GUCA1B: variants seen among roughly 807,000 people sequenced by gnomAD.
GUCA1B encodes the protein guanylyl cyclase-activating protein 2.
In GUCA1B, 22 loss-of-function variants were observed where a neutral mutation model predicts 24.2. That is an observed-to-expected ratio of 0.91 (90% confidence interval 0.65 to 1.30). The LOEUF is 1.30. Among genes scored for constraint, GUCA1B ranks in the 50% most tolerant of loss-of-function variants. The probability of loss-of-function intolerance (pLI) is 0.00; values close to 1 mark genes in which losing one functional copy is unlikely to be tolerated. For missense variants in GUCA1B, 221 were observed against 258.8 expected (o/e 0.85, Z 1.00); for synonymous variants, 100 against 97.9 (o/e 1.02, Z -0.13).
At chr6:42,191,457 A>C (rs75883079) in intron 1 of GUCA1B, among the ~76,000 whole-genome samples, 2 of 152,158 alleles carry the variant, frequency 1.3e-5, no homozygotes, top group East Asian at 3.9e-4. Context: ...CCGAAATGAC[A>C]CTCCTTGATA....
intron 1 of GUCA1B, among the ~76,000 whole-genome samples, chr6:42,193,152 T>C (rs149509998): frequency 6.6e-6 from 1 of 152,256 alleles, no homozygotes; most frequent in East Asian, 1.9e-4. Flanking sequence ...AGAATCATAG[T>C]AAAATTAAAA....
intron 3 of GUCA1B, 151 bp from the exon 4 acceptor site, chr6:42,185,093 T>A: frequency 1.4e-6 from 1 of 690,848 alleles, no homozygotes; most frequent in South Asian, 1.8e-5. Context: ...TTGTCAGGTG[T>A]CTGAATCTCC....
At position 42,192,227 on chromosome 6, in the gene GUCA1B, G is replaced by A. The variant is rs185927340; in HGVS notation, c.207+2387C>T. On this transcript the variant is annotated intron_variant, in intron 1 of 3. Transcript: ENST00000230361. ...AAATTAGCTGGGCATGGTGGTGCTC[G>A]CCTGTAGTCCCAGCTACTGGGGAGG... Among the ~76,000 whole-genome samples, 561 of 150,744 alleles carry A rather than the reference G, an allele frequency of 3.7e-3. 4 individuals carry two copies. Among genetic ancestry groups the A allele is most frequent in the African/African-American group, 0.013 (531 of 41,058 alleles).
intron 2 of GUCA1B, among the ~76,000 whole-genome samples, chr6:42,187,743 T>C (rs1031052425): frequency 2.0e-5 from 3 of 152,184 alleles, no homozygotes; most frequent in Admixed American, 6.5e-5. Flanking sequence ...CTTCCTTTTT[T>C]CTAATTTCCT....
At chr6:42,189,574 C>A (rs919051067) in intron 1 of GUCA1B, among the ~76,000 whole-genome samples, 32 of 152,266 alleles carry the variant, frequency 2.1e-4, no homozygotes, top group African/African-American at 7.5e-4. Context: ...TCCAGCCCTA[C>A]CCACTTCTAG....
chr6:42,185,057 G>A, intron 3 of GUCA1B, 115 bp from the exon 4 acceptor site: 11 of 937,958 alleles, frequency 1.2e-5, no homozygotes, highest in Non-Finnish European at 1.9e-5. Context: ...CAACTATCCT[G>A]CAGTCTCAGA....
intron 1 of GUCA1B, among the ~76,000 whole-genome samples, chr6:42,190,672 C>T (rs1768289807): frequency 6.6e-6 from 1 of 152,266 alleles, no homozygotes; most frequent in African/African-American, 2.4e-5. Context: ...GGCCACCCAG[C>T]CAGCAAGTGG....
chr6:42,192,870 ACT>A (rs1179487161), intron 1 of GUCA1B, among the ~76,000 whole-genome samples: 2 of 152,110 alleles, frequency 1.3e-5, no homozygotes, highest in African/African-American at 2.4e-5. Flanking sequence ...ACAGAGCGAG[ACT>A]CTGTCTCAAA....
intron 1 of GUCA1B, among the ~76,000 whole-genome samples, chr6:42,190,079 G>A (rs7764278): frequency 6.6e-6 from 1 of 152,130 alleles, no homozygotes; most frequent in East Asian, 1.9e-4. Flanking sequence ...AGATCAAGGG[G>A]TGCCTCAGTG....
intron 3 of GUCA1B, 30 bp from the exon 4 acceptor site, chr6:42,184,972 TAGA>T (rs1768168999): frequency 3.7e-6 from 6 of 1,612,436 alleles, no homozygotes; most frequent in Non-Finnish European, 4.2e-6. Flanking sequence ...GGTGGTCATG[TAGA>T]AGAAGGGGAG....
rs2113843184 is a variant in GUCA1B at position 42,184,475 on chromosome 6, G to T, written c.*340C>A. 1 of 376,354 alleles carries T rather than the reference G, an allele frequency of 2.7e-6. No homozygotes were observed. Among genetic ancestry groups the T allele is most frequent in the Non-Finnish European group, 5.1e-6 (1 of 194,358 alleles). The allele number at this position is 376,354 out of a possible 1,614,324, so 23.3% of individuals were successfully genotyped here. ...GTTCTCATTTCTGATTTGGTCTGTGGGACCCTCACCCCTCAGTTGGCTCTT... is the reference window on the plus strand; with the variant it reads ...GTTCTCATTTCTGATTTGGTCTGTGTGACCCTCACCCCTCAGTTGGCTCTT... On this transcript the variant is annotated 3_prime_UTR_variant, in exon 4 of 4. Transcript: ENST00000230361.
chr6:42,188,812 TCTC>T (rs1159462617), intron 1 of GUCA1B, 81 bp from the exon 2 acceptor site: 13 of 1,336,706 alleles, frequency 9.7e-6, no homozygotes, highest in Non-Finnish European at 1.2e-5. Flanking sequence ...ACACAGGGCT[TCTC>T]CTCCTCCTTT....
At chr6:42,187,918 C>G (rs1329655967) in intron 2 of GUCA1B, among the ~76,000 whole-genome samples, 2 of 151,926 alleles carry the variant, frequency 1.3e-5, no homozygotes, top group Non-Finnish European at 2.9e-5. Flanking sequence ...ATGATCATAG[C>G]TTACTGCAGC....
chr6:42,194,505 A>G (rs1194209239), intron 1 of GUCA1B, 109 bp downstream of exon 1: 2 of 767,762 alleles, frequency 2.6e-6, no homozygotes, highest in Non-Finnish European at 4.8e-6. Context: ...TGGAAAGAAG[A>G]GCAGAGAAAG....
At chr6:42,192,931 A>G (rs1049334372) in intron 1 of GUCA1B, among the ~76,000 whole-genome samples, 1 of 152,160 alleles carries the variant, frequency 6.6e-6, no homozygotes, top group Non-Finnish European at 1.5e-5. Context: ...AACGGGCATG[A>G]TATCTATAGC....
intron 1 of GUCA1B, among the ~76,000 whole-genome samples, chr6:42,194,067 A>C (rs976794139): frequency 7.9e-5 from 12 of 152,206 alleles, no homozygotes; most frequent in Non-Finnish European, 1.8e-4. Flanking sequence ...GAAGAGCTGA[A>C]AGGGGCTTTT....
chr6:42,192,811 A>G (rs1262195076), intron 1 of GUCA1B, among the ~76,000 whole-genome samples: 1 of 152,042 alleles, frequency 6.6e-6, no homozygotes, highest in East Asian at 1.9e-4. Flanking sequence ...GGATCCCTTG[A>G]GCCTGGGAAA....
intron 1 of GUCA1B, among the ~76,000 whole-genome samples, chr6:42,192,340 C>T (rs112851403): frequency 0.016 from 1,714 of 105,476 alleles, 45 homozygotes; most frequent in African/African-American, 0.06. Flanking sequence ...GGTGACAGAG[C>T]GAGACTCCAA....
rs779698150 is a variant in GUCA1B at position 42,185,717 on chromosome 6, C to T, written c.438G>A (p.Val146=). The T allele has an allele frequency of 2.5e-6, 4 of 1,610,884 alleles. No homozygotes were observed. Among genetic ancestry groups the T allele is most frequent in the Non-Finnish European group, 3.4e-6 (4 of 1,177,150 alleles). ...CATCCACCAGGAGGAAGATCCTGTC[C>T]ACGACCTCCTCGGGTGTGAGCAGCT... is the stretch of plus-strand genomic sequence containing the variant. ...QGQLLTPEEV[V]DRIFLLVDEN... Residue 146 remains valine (V), a synonymous_variant, in exon 3 of 4, where the codon GTG becomes GTA. Transcript: ENST00000230361.
Sources: gnomAD v4.1 joint callset for allele counts (sites outside exome capture counted in the v4.1 genomes callset) on GRCh38, gnomAD v4.1.1 for gene constraint, MANE v1.5 for transcripts, NCBI Gene and HGNC (gene_info 2026-07-23, HGNC 2026-07-21) for gene names.